The following KCNAB1 variants were observed in gnomAD, a reference collection of about 807,000 sequenced individuals.
The protein encoded by KCNAB1 is potassium voltage-gated channel subfamily A regulatory beta subunit 1.
In KCNAB1, 35 loss-of-function variants were observed where a neutral mutation model predicts 64.6. That is an observed-to-expected ratio of 0.54 (90% confidence interval 0.41 to 0.72). The LOEUF (loss-of-function observed/expected upper bound fraction) is 0.72, where lower values mean the gene tolerates loss of function less well. Among genes scored for constraint, KCNAB1 ranks in the 30% least tolerant of loss-of-function variants. KCNAB1 has a pLI of 0.00. For missense variants in KCNAB1, 401 were observed against 512.9 expected (o/e 0.78, Z 2.11); for synonymous variants, 177 against 183.8 (o/e 0.96, Z 0.30).
At chr3:156,300,677 TA>T (rs779656307) in intron 1 of KCNAB1, among the ~76,000 whole-genome samples, 292 of 151,628 alleles carry the variant, frequency 1.9e-3, no homozygotes, top group Middle Eastern at 6.8e-3. Context: ...TGTAAAACAT[TA>T]AAAAAAAATC....
intron 1 of KCNAB1, among the ~76,000 whole-genome samples, chr3:156,335,303 C>G (rs1016873843): frequency 6.6e-6 from 1 of 152,218 alleles, no homozygotes; most frequent in African/African-American, 2.4e-5. Flanking sequence ...ACACACCCTC[C>G]CCTTTGCCCT....
intron 8 of KCNAB1, among the ~76,000 whole-genome samples, chr3:156,480,743 G>A (rs1714733175): frequency 6.6e-6 from 1 of 152,020 alleles, no homozygotes; most frequent in Non-Finnish European, 1.5e-5. Flanking sequence ...CAGCTGCTCA[G>A]TAGACAATTT....
intron 1 of KCNAB1, among the ~76,000 whole-genome samples, chr3:156,216,654 A>G (rs1715339803): frequency 6.6e-6 from 1 of 152,172 alleles, no homozygotes; most frequent in African/African-American, 2.4e-5. Context: ...ATAGGGTGGG[A>G]TGGGGGCAAG....
intron 1 of KCNAB1, among the ~76,000 whole-genome samples, chr3:156,398,270 A>G (rs1713615418): frequency 1.3e-5 from 2 of 152,122 alleles, no homozygotes; most frequent in African/African-American, 2.4e-5. Flanking sequence ...CACTAGGACA[A>G]ATACCTAATG....
intron 1 of KCNAB1, among the ~76,000 whole-genome samples, chr3:156,202,156 C>A (rs1479798478): frequency 2.6e-5 from 4 of 152,150 alleles, no homozygotes; most frequent in African/African-American, 4.8e-5. Context: ...CACACCAAAC[C>A]CTCTAGGCTC....
chr3:156,195,722 T>C (rs1048294405), intron 1 of KCNAB1, among the ~76,000 whole-genome samples: 1 of 152,222 alleles, frequency 6.6e-6, no homozygotes, highest in Admixed American at 6.5e-5. Flanking sequence ...AAAATTTTTC[T>C]TCCATTCTGT....
intron 1 of KCNAB1, among the ~76,000 whole-genome samples, chr3:156,218,683 C>T (rs1231544468): frequency 6.6e-6 from 1 of 151,592 alleles, no homozygotes; most frequent in Non-Finnish European, 1.5e-5. Context: ...GTATCCATGG[C>T]TGCAAGACCT....
At chr3:156,463,816 T>G in intron 6 of KCNAB1, 70 bp downstream of exon 6, 1 of 1,269,204 alleles carries the variant, frequency 7.9e-7, no homozygotes, top group Non-Finnish European at 1.1e-6. Flanking sequence ...GGCAGTTATT[T>G]TACATATAAC....
At chr3:156,167,229 T>C (rs1360517930) in intron 1 of KCNAB1, among the ~76,000 whole-genome samples, 1 of 152,142 alleles carries the variant, frequency 6.6e-6, no homozygotes, top group African/African-American at 2.4e-5. Flanking sequence ...GTGGCCAAGC[T>C]TGAGGGTGTG....
chr3:156,455,495 ATTAT>A (rs1712337060), intron 3 of KCNAB1, among the ~76,000 whole-genome samples: 1 of 152,248 alleles, frequency 6.6e-6, no homozygotes, highest in South Asian at 2.1e-4. Flanking sequence ...GATATGAATA[ATTAT>A]TTACTTAAAA....
chr3:156,260,839 C>T (rs1718386583), intron 1 of KCNAB1, among the ~76,000 whole-genome samples: 1 of 152,124 alleles, frequency 6.6e-6, no homozygotes, highest in South Asian at 2.1e-4. Flanking sequence ...TTCCTAGTGG[C>T]TGTACCACTT....
At chr3:156,121,018 C>A in intron 1 of KCNAB1, 132 bp downstream of exon 1, 1 of 1,046,000 alleles carries the variant, frequency 9.6e-7, no homozygotes, top group Non-Finnish European at 1.4e-6. Context: ...ATTGGCACTT[C>A]AGAATGTGTA....
chr3:156,400,413 C>A (rs6782314), intron 1 of KCNAB1, among the ~76,000 whole-genome samples: 95 of 152,306 alleles, frequency 6.2e-4, no homozygotes, highest in Non-Finnish European at 1.0e-3. Flanking sequence ...GAAATTGCCT[C>A]CTAATTGATC....
chr3:156,253,443 G>T (rs1717942795), intron 1 of KCNAB1, among the ~76,000 whole-genome samples: 1 of 152,172 alleles, frequency 6.6e-6, no homozygotes, highest in Non-Finnish European at 1.5e-5. Context: ...AGGAGCAGCA[G>T]GGCTGAGTGC....
intron 1 of KCNAB1, among the ~76,000 whole-genome samples, chr3:156,217,568 C>G (rs1715404956): frequency 1.3e-5 from 2 of 152,206 alleles, no homozygotes; most frequent in African/African-American, 4.8e-5. Context: ...CAAAGAAAAT[C>G]AGGAACTCTT....
At chr3:156,129,345 T>C (rs2108263125) in intron 1 of KCNAB1, among the ~76,000 whole-genome samples, 2 of 152,364 alleles carry the variant, frequency 1.3e-5, no homozygotes, top group East Asian at 3.9e-4. Flanking sequence ...GGTGATATCA[T>C]ACCATGAGTT....
At chr3:156,338,212 A>G (rs1379957593) in intron 1 of KCNAB1, among the ~76,000 whole-genome samples, 1 of 150,120 alleles carries the variant, frequency 6.7e-6, no homozygotes, top group Admixed American at 6.7e-5. Context: ...GCATATGGAG[A>G]CAGAACTCTC....
chr3:156,516,395 G>A, intron 11 of KCNAB1, 31 bp downstream of exon 11: 1 of 1,491,160 alleles, frequency 6.7e-7, no homozygotes, highest in Non-Finnish European at 9.4e-7. Flanking sequence ...AAAAAAGCCT[G>A]GGAGTAGGAA....
At chr3:156,161,961 A>G (rs961953914) in intron 1 of KCNAB1, among the ~76,000 whole-genome samples, 2 of 152,254 alleles carry the variant, frequency 1.3e-5, no homozygotes, top group Non-Finnish European at 2.9e-5. Flanking sequence ...TGTTTTGCTT[A>G]TGTTAAAAAC....
Sources: gnomAD v4.1 joint callset for allele counts (sites outside exome capture counted in the v4.1 genomes callset) on GRCh38, gnomAD v4.1.1 for gene constraint, MANE v1.5 for transcripts, NCBI Gene and HGNC (gene_info 2026-07-23, HGNC 2026-07-21) for gene names.